RNF150: variants seen among roughly 807,000 people sequenced by gnomAD.
RNF150 encodes the protein ring finger protein 150.
Under a neutral mutation model 39.3 loss-of-function variants are expected in RNF150, and 24 were observed. The ratio of observed to expected loss-of-function variants is 0.61; its 90% CI spans 0.44 to 0.86. The LOEUF is 0.86. Ranked by LOEUF, RNF150 falls within the 40% of genes least tolerant of loss-of-function variation. RNF150 has a pLI of 0.00. For missense variants in RNF150, 502 were observed against 587.8 expected (o/e 0.85, Z 1.51); for synonymous variants, 255 against 227.3 (o/e 1.12, Z -1.10).
chr4:141,074,796 C>T (rs973280252), intron 1 of RNF150, among the ~76,000 whole-genome samples: 4 of 152,138 alleles, frequency 2.6e-5, no homozygotes, highest in Non-Finnish European at 4.4e-5. Context: ...AAAGGGCAAG[C>T]GACGGATCTG....
Position 140,860,039 on chromosome 4 carries a change from C to A in RNF150, c.*8222G>T, listed in dbSNP as rs1728421780. Reference sequence around the variant, plus strand: ...GTTTCATCACTAGCCCATTATGAGACAAGTTGATTACGCTCTCCAAGTACA... The same window carrying A: ...GTTTCATCACTAGCCCATTATGAGAAAAGTTGATTACGCTCTCCAAGTACA... On this transcript the variant is annotated 3_prime_UTR_variant, in exon 7 of 7. Transcript: ENST00000515673. 1 of 151,758 alleles carries A rather than the reference C, an allele frequency of 6.6e-6. No individual in the cohort carries two copies. Among genetic ancestry groups the A allele is most frequent in the African/African-American group, 2.4e-5 (1 of 41,268 alleles). 9.4% of individuals were successfully genotyped at this position (151,758 alleles called of 1,614,324 possible). A position where few individuals can be genotyped will look rare whatever the true frequency, so the allele number is the denominator to read the frequency against.
rs541065289 is a variant in RNF150 at position 141,012,195 on chromosome 4, G to T, written c.485-44322C>A. On this transcript the variant is annotated intron_variant, in intron 1 of 6. Transcript: ENST00000515673. ...GCTTATGAAAGCTCCCAAGGCAGCT[G>T]CTTCTCTTGGAGAACTGCCGGAAAG... Among the ~76,000 whole-genome samples, 8 of 152,362 alleles carry T rather than the reference G, an allele frequency of 5.3e-5. 1 individual carries two copies. The highest frequency in any genetic ancestry group is 1.7e-4 in the African/African-American group (7 of 41,592).
chr4:141,107,784 C>T (rs1293647799), intron 1 of RNF150, among the ~76,000 whole-genome samples: 1 of 152,102 alleles, frequency 6.6e-6, no homozygotes, highest in Non-Finnish European at 1.5e-5. Flanking sequence ...TTTTAACTAG[C>T]TATTAAGGCA....
intron 6 of RNF150, among the ~76,000 whole-genome samples, chr4:140,869,447 A>G (rs1728843278): frequency 6.6e-6 from 1 of 152,140 alleles, no homozygotes; most frequent in Non-Finnish European, 1.5e-5. Flanking sequence ...AACATACATC[A>G]CTTACTCATT....
intron 1 of RNF150, among the ~76,000 whole-genome samples, chr4:141,156,734 TA>T (rs3081645): frequency 1.2e-3 from 113 of 96,622 alleles, no homozygotes; most frequent in African/African-American, 4.6e-3. Context: ...TCTCTACTAC[TA>T]AAAAAAAAAA....
intron 6 of RNF150, among the ~76,000 whole-genome samples, chr4:140,904,027 G>A (rs542507957): frequency 8.9e-4 from 136 of 152,308 alleles, no homozygotes; most frequent in Non-Finnish European, 1.7e-3. Flanking sequence ...ATGTTATTGC[G>A]GAAAACCCTG....
At chr4:141,176,138 T>G (rs1727807953) in intron 1 of RNF150, among the ~76,000 whole-genome samples, 1 of 151,800 alleles carries the variant, frequency 6.6e-6, no homozygotes, top group Non-Finnish European at 1.5e-5. Flanking sequence ...ACTCAAGTGA[T>G]CCACCTGCCT....
At chr4:141,074,223 A>C (rs1281106990) in intron 1 of RNF150, among the ~76,000 whole-genome samples, 1 of 151,960 alleles carries the variant, frequency 6.6e-6, no homozygotes, top group Non-Finnish European at 1.5e-5. Flanking sequence ...TTTCAGTGCC[A>C]TGCAATTCAC....
chr4:141,148,376 A>C (rs1264616588), intron 1 of RNF150, among the ~76,000 whole-genome samples: 1 of 152,154 alleles, frequency 6.6e-6, no homozygotes, highest in Non-Finnish European at 1.5e-5. Flanking sequence ...TGTGAGCAAT[A>C]ATTTATAACA....
At chr4:141,208,679 T>C (rs1490789940) in intron 1 of RNF150, among the ~76,000 whole-genome samples, 1 of 152,208 alleles carries the variant, frequency 6.6e-6, no homozygotes, top group African/African-American at 2.4e-5. Flanking sequence ...GTTAAGGTCT[T>C]TTGAAGTCTT....
rs1578757868 is a variant in RNF150 at position 141,132,253 on chromosome 4, G to A, written c.484+72C>T. ...CGGACTTCCCAGAAGGAGCCTGGAG[G>A]CAGGCGCTGGATCCCTCTAGGCACC... On this transcript the variant is annotated intron_variant, in intron 1 of 6. Transcript: ENST00000515673. The surrounding 1 kb of genome is among the most constrained non-coding windows in gnomAD (Gnocchi z 4.9). 1 of 1,471,990 alleles carries A rather than the reference G, an allele frequency of 6.8e-7. No individual in the cohort carries two copies. Among genetic ancestry groups the A allele is most frequent in the East Asian group, 2.5e-5 (1 of 40,370 alleles). 91.2% of individuals were successfully genotyped at this position (1,471,990 alleles called of 1,614,324 possible).
At chr4:141,000,002 G>GAA (rs1560678871) in intron 1 of RNF150, among the ~76,000 whole-genome samples, 14 of 34,914 alleles carry the variant, frequency 4.0e-4, no homozygotes, top group Non-Finnish European at 4.8e-4. Flanking sequence ...AAAAGAAGAA[G>GAA]AAGAAGAAGA....
intron 1 of RNF150, among the ~76,000 whole-genome samples, chr4:141,129,954 G>A (rs888160679): frequency 6.6e-6 from 1 of 152,134 alleles, no homozygotes; most frequent in African/African-American, 2.4e-5. Flanking sequence ...AGCTTTTGCA[G>A]TTTTTAAAAC....
intron 2 of RNF150, among the ~76,000 whole-genome samples, chr4:140,952,184 T>C (rs1349687009): frequency 6.6e-6 from 1 of 151,964 alleles, no homozygotes; most frequent in Non-Finnish European, 1.5e-5. Flanking sequence ...CTGATTTTTT[T>C]TTGTATTTTT....
intron 6 of RNF150, among the ~76,000 whole-genome samples, chr4:140,897,655 T>A (rs1730013554): frequency 6.6e-6 from 1 of 152,200 alleles, no homozygotes; most frequent in African/African-American, 2.4e-5. Flanking sequence ...GTGATAATTG[T>A]AAAGGTTAAA....
chr4:141,002,665 A>G lies in RNF150; in HGVS notation c.485-34792T>C, dbSNP rs913596213. ...AGGACCGCTGCATGCACCAAGAGAC[A>G]TGACTATGACTATGATTTGAACAGG... On this transcript the variant is annotated intron_variant, in intron 1 of 6. Coordinates refer to ENST00000515673, the MANE Select transcript of RNF150 (RefSeq NM_020724.2). Among the ~76,000 whole-genome samples the G allele has an allele frequency of 5.3e-5, 8 of 152,326 alleles. No individual in the cohort carries two copies. In the East Asian group the frequency reaches 9.6e-4, roughly 18 times the overall value.
rs1473970311 is a variant in RNF150, at chr4:140,860,253, A to G, written c.*8008T>C. 6.6e-6 allele frequency: 1 copy of G among 152,166 alleles called. No homozygotes were observed. Among genetic ancestry groups the G allele is most frequent in the Non-Finnish European group, 1.5e-5 (1 of 68,028 alleles). The allele number at this position is 152,166 out of a possible 1,614,324, so 9.4% of individuals were successfully genotyped here. A position where few individuals can be genotyped will look rare whatever the true frequency, so the allele number is the denominator to read the frequency against. The stretch of plus-strand genomic sequence containing the variant: ...AAGAAATTTATACAGAAAAAATTTA[A>G]AAAACTACACTGCCTTAACTAATCA... On this transcript the variant is annotated 3_prime_UTR_variant, in exon 7 of 7. Coordinates refer to ENST00000515673, the MANE Select transcript of RNF150 (RefSeq NM_020724.2).
chr4:141,116,684 T>G (rs1006411675), intron 1 of RNF150, among the ~76,000 whole-genome samples: 1 of 152,138 alleles, frequency 6.6e-6, no homozygotes, highest in Non-Finnish European at 1.5e-5. Flanking sequence ...TAAAGACACA[T>G]GCACACATAT....
At chr4:141,113,734 T>C (rs1449289107) in intron 1 of RNF150, among the ~76,000 whole-genome samples, 1 of 152,118 alleles carries the variant, frequency 6.6e-6, no homozygotes, top group Non-Finnish European at 1.5e-5. Flanking sequence ...CTGCACCACA[T>C]TGCACTTATT....
Sources: gnomAD v4.1 joint callset for allele counts (sites outside exome capture counted in the v4.1 genomes callset) on GRCh38, gnomAD v4.1.1 for gene constraint, Gnocchi (gnomAD v3.1) non-coding constraint, MANE v1.5 for transcripts, NCBI Gene and HGNC (gene_info 2026-07-23, HGNC 2026-07-21) for gene names.